ADRA1B: variants seen among roughly 807,000 people sequenced by gnomAD.
ADRA1B encodes adrenoceptor alpha 1B.
In ADRA1B, 17 loss-of-function variants were observed where a neutral mutation model predicts 17.9. The observed-to-expected ratio is 0.95, with a 90% CI of 0.65 to 1.42. The LOEUF is 1.42. Ranked by LOEUF, ADRA1B falls within the 40% of genes most tolerant of loss-of-function variation. The probability of loss-of-function intolerance (pLI) is 0.00; values close to 1 mark genes in which losing one functional copy is unlikely to be tolerated. For synonymous variants in ADRA1B, 366 were observed against 327.6 expected (o/e 1.12, Z -1.27); for missense variants, 681 against 722.1 (o/e 0.94, Z 0.65).
At chr5:159,884,911 C>G (rs1348445560) in intron 1 of ADRA1B, among the ~76,000 whole-genome samples, 1 of 152,262 alleles carries the variant, frequency 6.6e-6, no homozygotes, top group African/African-American at 2.4e-5. Context: ...AGTTACACAA[C>G]TCACTGTTGT....
chr5:159,927,495 T>C (rs1754693222), intron 1 of ADRA1B, among the ~76,000 whole-genome samples: 2 of 152,018 alleles, frequency 1.3e-5, no homozygotes, highest in South Asian at 4.2e-4. Flanking sequence ...TTGATTTCTT[T>C]AATATCAGAT....
At chr5:159,924,675 G>A (rs552305856) in intron 1 of ADRA1B, among the ~76,000 whole-genome samples, 80 of 152,190 alleles carry the variant, frequency 5.3e-4, no homozygotes, top group Non-Finnish European at 1.0e-3. Context: ...AGAAATGCCA[G>A]CAGGTGCGTG....
rs1027118966 is a variant in ADRA1B at position 159,943,937 on chromosome 5, C to A, written c.949+26083C>A. Among the ~76,000 whole-genome samples the A allele has an allele frequency of 3.4e-5, 5 of 148,514 alleles. No individual in the cohort carries two copies. In the East Asian group the frequency reaches 8.1e-4, roughly 24 times the overall value. ...TCACACACACACACACACACACACA[C>A]ACAAACACACACACACACACATTCT... On this transcript the variant is annotated intron_variant, in intron 1 of 1. Coordinates refer to ENST00000306675, the MANE Select transcript of ADRA1B (RefSeq NM_000679.4).
chr5:159,970,538 C>A (rs1755848062), intron 1 of ADRA1B, among the ~76,000 whole-genome samples: 1 of 152,110 alleles, frequency 6.6e-6, no homozygotes, highest in Admixed American at 6.5e-5. Flanking sequence ...TTGCCATGAG[C>A]CCCCTCATAT....
intron 1 of ADRA1B, among the ~76,000 whole-genome samples, chr5:159,956,162 G>A (rs752155591): frequency 6.6e-6 from 1 of 152,138 alleles, no homozygotes; most frequent in Non-Finnish European, 1.5e-5. Flanking sequence ...AATCTCTTGA[G>A]CCCAGGAGTT....
intron 1 of ADRA1B, chr5:159,948,615 C>A: frequency 6.0e-6 from 2 of 331,972 alleles, no homozygotes; most frequent in Non-Finnish European, 4.3e-6. Context: ...CATATTTATT[C>A]AGCCATTTTT....
intron 1 of ADRA1B, among the ~76,000 whole-genome samples, chr5:159,967,870 C>T (rs1755803571): frequency 6.6e-6 from 1 of 152,188 alleles, no homozygotes; most frequent in Non-Finnish European, 1.5e-5. Flanking sequence ...TGTAAGAAAA[C>T]AGAGGCAAAA....
At chr5:159,968,980 C>CA (rs779188490) in intron 1 of ADRA1B, among the ~76,000 whole-genome samples, 2 of 152,206 alleles carry the variant, frequency 1.3e-5, no homozygotes, top group Non-Finnish European at 2.9e-5. Context: ...TGAACAGAGA[C>CA]AACTCCCCAC....
downstream of ADRA1B, among the ~76,000 whole-genome samples, chr5:159,973,935 C>G (rs1001844355): frequency 3.3e-5 from 5 of 152,188 alleles, no homozygotes; most frequent in African/African-American, 9.7e-5. Flanking sequence ...CTAGGAGGAA[C>G]GCTCTTCCCC....
chr5:159,881,842 G>A (rs1054616364), intron 1 of ADRA1B, among the ~76,000 whole-genome samples: 13 of 152,146 alleles, frequency 8.5e-5, no homozygotes, highest in Non-Finnish European at 1.3e-4. Context: ...TGTAGGGACT[G>A]GAGGCTTTCA....
At chr5:159,928,477 G>T (rs943561377) in intron 1 of ADRA1B, among the ~76,000 whole-genome samples, 1 of 152,176 alleles carries the variant, frequency 6.6e-6, no homozygotes, top group Non-Finnish European at 1.5e-5. Context: ...GCACCAACGA[G>T]CAGTTCAGTT....
chr5:159,976,194 G>A (rs1755971979), downstream of ADRA1B, among the ~76,000 whole-genome samples: 1 of 152,218 alleles, frequency 6.6e-6, no homozygotes. Flanking sequence ...CCCATGAACA[G>A]TAGCTATTAA....
In ADRA1B at chr5:159,962,669, CTTTT is replaced by C. The variant is rs113639158; in HGVS notation, c.950-9194_950-9191del. Among the ~76,000 whole-genome samples, 122 of 124,850 alleles carry C rather than the reference CTTTT, an allele frequency of 9.8e-4. 1 individual carries two copies. The highest frequency in any genetic ancestry group is 4.0e-3 in the Middle Eastern group (1 of 252). 81.9% of individuals were successfully genotyped at this position (124,850 alleles called of 152,430 possible). A position where few individuals can be genotyped will look rare whatever the true frequency, so the allele number is the denominator to read the frequency against. On this transcript the variant is annotated intron_variant, in intron 1 of 1. Transcript: ENST00000306675. ...CAGCATCTTTTGGCTTGTTTTTCAG[CTTTT>C]TTTTTTTTTTTTTTTGAGACAAGGT...
intron 1 of ADRA1B, among the ~76,000 whole-genome samples, chr5:159,930,174 A>C (rs752767017): frequency 2.6e-4 from 40 of 152,238 alleles, no homozygotes; most frequent in Non-Finnish European, 8.8e-5. Context: ...TACTACAAAC[A>C]ATGTTGGATG....
chr5:159,871,258 G>A (rs13354668), intron 1 of ADRA1B: 11 of 152,134 alleles, frequency 7.2e-5, no homozygotes, highest in African/African-American at 1.4e-4. Context: ...TTAAAAACCC[G>A]AGGTCAGCAA....
chr5:159,875,024 G>T (rs1183813489), intron 1 of ADRA1B, among the ~76,000 whole-genome samples: 1 of 152,078 alleles, frequency 6.6e-6, no homozygotes, highest in Non-Finnish European at 1.5e-5. Flanking sequence ...AAACAGGATG[G>T]CAATTTCCTG....
intron 1 of ADRA1B, among the ~76,000 whole-genome samples, chr5:159,873,805 A>G (rs1581015806): frequency 6.6e-6 from 1 of 152,104 alleles, no homozygotes. Context: ...GTTAATTTAG[A>G]CAGAAAAACA....
intron 1 of ADRA1B, among the ~76,000 whole-genome samples, chr5:159,908,055 AC>A (rs1754182061): frequency 6.6e-6 from 1 of 151,946 alleles, no homozygotes; most frequent in South Asian, 2.1e-4. Context: ...CAGGTCTCCC[AC>A]CCTTCTTGGA....
intron 1 of ADRA1B, among the ~76,000 whole-genome samples, chr5:159,902,693 G>A (rs183643092): frequency 1.1e-3 from 175 of 152,290 alleles, no homozygotes; most frequent in Non-Finnish European, 1.9e-3. Flanking sequence ...CACACAATCT[G>A]ACATGATGCC....
Sources: allele counts gnomAD v4.1 joint callset (sites outside exome capture counted in the v4.1 genomes callset), GRCh38; gene constraint gnomAD v4.1.1; transcripts MANE v1.5; gene names NCBI Gene and HGNC (gene_info 2026-07-23, HGNC 2026-07-21).